Variants in ECE1 observed in about 807,000 individuals in gnomAD.
ECE1 encodes the protein endothelin converting enzyme 1, also known as endothelin-converting enzyme 1.
ECE1 carries 35 observed loss-of-function variants against 98.6 expected under a neutral mutation model. The ratio of observed to expected loss-of-function variants is 0.35; its 90% confidence interval spans 0.27 to 0.47. The LOEUF (loss-of-function observed/expected upper bound fraction) is 0.47, where lower values mean the gene tolerates loss of function less well. ECE1 is among the 20% of genes least tolerant of loss of function. ECE1 has a pLI of 1.00. For missense variants in ECE1, 814 were observed against 1,025.3 expected, an observed-to-expected ratio of 0.79 and a Z score of 2.81; for synonymous variants, 394 against 407.1, an observed-to-expected ratio of 0.97 and a Z score of 0.39.
chr1:21,227,100 C>T, intron 16 of ECE1, 59 bp downstream of exon 16: 1 of 1,570,140 alleles, frequency 6.4e-7, no homozygotes, highest in Admixed American at 1.7e-5. Flanking sequence ...TCAAGCAATC[C>T]TCCTCTTAAA....
At chr1:21,318,409 T>C (rs1638878986) in intron 1 of ECE1, among the ~76,000 whole-genome samples, 1 of 151,976 alleles carries the variant, frequency 6.6e-6, no homozygotes. Context: ...TCCCTGCCCT[T>C]TCCTGACCCT....
At chr1:21,261,501 C>A (rs556780309) in intron 4 of ECE1, among the ~76,000 whole-genome samples, 1 of 152,280 alleles carries the variant, frequency 6.6e-6, no homozygotes, top group Non-Finnish European at 1.5e-5. Context: ...TACTCAACCT[C>A]AAGGCCTCTA....
intron 1 of ECE1, among the ~76,000 whole-genome samples, chr1:21,304,618 C>T (rs548738933): frequency 6.6e-5 from 10 of 152,132 alleles, no homozygotes; most frequent in Non-Finnish European, 1.5e-4. Context: ...AGCCATATGG[C>T]GACAGACATC....
upstream of ECE1, among the ~76,000 whole-genome samples, chr1:21,291,886 CT>C (rs1488265681): frequency 5.3e-5 from 8 of 151,724 alleles, no homozygotes; most frequent in African/African-American, 1.9e-4. Context: ...AATCCCAGCA[CT>C]TTGGGAGGCT....
In ECE1 at chr1:21,272,762, A is replaced by G. The variant is rs780320930; in HGVS notation, c.430T>C (p.Ser144Pro). ...IKANPVPDGH[S>P]RWGTFSNLWE... ...AGGTTGCTGAAGGTCCCCCAGCGTG[A>G]GTGGCCATCAGGGACTGGGTTGGCC... Residue 144 changes from serine (S) to proline (P), a missense_variant, in exon 4 of 19, where the codon TCA (serine) becomes CCA (proline). By Grantham distance (74) the Ser-to-Pro change is moderately conservative. Coordinates refer to ENST00000374893, the MANE Select transcript of ECE1 (RefSeq NM_001397.3). The G allele has an allele frequency of 6.2e-7, 1 of 1,614,264 alleles. No homozygotes were observed. Among genetic ancestry groups the G allele is most frequent in the Non-Finnish European group, 8.5e-7 (1 of 1,180,048 alleles).
intron 4 of ECE1, chr1:21,267,072 G>C (rs959302848): frequency 6.6e-6 from 1 of 152,176 alleles, no homozygotes; most frequent in African/African-American, 2.4e-5. Context: ...TCTTATAAAA[G>C]GGCTTGAGGG....
At chr1:21,267,577 G>C (rs1268418325) in intron 4 of ECE1, among the ~76,000 whole-genome samples, 1 of 152,174 alleles carries the variant, frequency 6.6e-6, no homozygotes, top group Non-Finnish European at 1.5e-5. Flanking sequence ...TGGGAATTGA[G>C]GGAGCTACAA....
In ECE1 at chr1:21,290,331, C is replaced by T; in HGVS notation, c.51+33G>A. On this transcript the variant is annotated intron_variant, in intron 1 of 18. Transcript: ENST00000374893. The surrounding 1 kb of genome is among the most constrained non-coding windows in gnomAD (Gnocchi z 7.3). Reference sequence around the variant, plus strand: ...CGCGGGGAGGGGTCCCGCCCGCCTCCCGCCCCCGCCCTCCAGGCCGCGCCC... The same window carrying T: ...CGCGGGGAGGGGTCCCGCCCGCCTCTCGCCCCCGCCCTCCAGGCCGCGCCC... 1 of 1,223,594 alleles carries T rather than the reference C, an allele frequency of 8.2e-7. No homozygotes were observed. Among genetic ancestry groups the T allele is most frequent in the Non-Finnish European group, 1.0e-6 (1 of 985,820 alleles). The allele number at this position is 1,223,594 out of a possible 1,614,324, so 75.8% of individuals were successfully genotyped here.
intron 3 of ECE1, among the ~76,000 whole-genome samples, chr1:21,275,767 T>C (rs995759253): frequency 1.3e-5 from 2 of 152,222 alleles, no homozygotes; most frequent in Non-Finnish European, 2.9e-5. Flanking sequence ...AAGTGCTTCA[T>C]GCATTTTGAT....
At chr1:21,236,227 G>A (rs1450666994) in intron 12 of ECE1, among the ~76,000 whole-genome samples, 4 of 152,218 alleles carry the variant, frequency 2.6e-5, no homozygotes, top group East Asian at 1.9e-4. Flanking sequence ...CCTTTTCCCC[G>A]TACACTCAGC....
At chr1:21,310,546 G>A (rs1484507439) in intron 1 of ECE1, among the ~76,000 whole-genome samples, 1 of 152,172 alleles carries the variant, frequency 6.6e-6, no homozygotes, top group Non-Finnish European at 1.5e-5. Context: ...CCAAAGGAAG[G>A]AGGTTGCTGT....
intron 1 of ECE1, among the ~76,000 whole-genome samples, chr1:21,301,827 G>GACAA (rs1638491216): frequency 2.9e-5 from 1 of 33,944 alleles, no homozygotes; most frequent in Non-Finnish European, 5.8e-5. Context: ...CCCTGTCTCA[G>GACAA]AAAAAAAAAA....
rs373718266 is a variant in ECE1 at position 21,258,912 on chromosome 1, G to T, written c.616-73C>A. 6.3e-6 allele frequency: 10 copies of T among 1,585,854 alleles called. No individual in the cohort carries two copies. In the East Asian group the frequency reaches 9.1e-5, roughly 14 times the overall value. On this transcript the variant is annotated intron_variant, in intron 5 of 18. Coordinates refer to ENST00000374893, the MANE Select transcript of ECE1 (RefSeq NM_001397.3). This position sits in a 1 kb window ranked among gnomAD's most constrained non-coding sequence, Gnocchi z 4.2. ...CCCAGATGTGAATTCTGGTTCTGCC[G>T]CTGACTTGCTCTGTGACCCTGGAGC...
intron 1 of ECE1, among the ~76,000 whole-genome samples, chr1:21,302,187 C>G (rs1638500107): frequency 6.6e-6 from 1 of 152,242 alleles, no homozygotes; most frequent in African/African-American, 2.4e-5. Context: ...GCTTAACAGG[C>G]TAAGTTCCCC....
intron 1 of ECE1, among the ~76,000 whole-genome samples, chr1:21,306,431 G>A (rs1334740757): frequency 1.3e-5 from 2 of 151,858 alleles, no homozygotes. Context: ...CCGCCTCCTG[G>A]GTTCAAGCGA....
intron 1 of ECE1, among the ~76,000 whole-genome samples, chr1:21,344,417 C>G (rs2103423854): frequency 1.3e-5 from 2 of 152,342 alleles, no homozygotes; most frequent in South Asian, 4.1e-4. Flanking sequence ...CAGAACAGAA[C>G]TAGGAGAGGG....
At chr1:21,324,204 C>T (rs1010613800) in intron 1 of ECE1, among the ~76,000 whole-genome samples, 2 of 152,108 alleles carry the variant, frequency 1.3e-5, no homozygotes, top group African/African-American at 4.8e-5. Flanking sequence ...CAGCCTCGAC[C>T]ATAGCTCATG....
intron 12 of ECE1, among the ~76,000 whole-genome samples, chr1:21,236,364 G>A (rs971221435): frequency 6.6e-6 from 1 of 152,364 alleles, no homozygotes; most frequent in East Asian, 1.9e-4. Flanking sequence ...GACAGAACTG[G>A]CCTCACCGGG....
chr1:21,270,263 TG>T (rs931317653), intron 4 of ECE1, among the ~76,000 whole-genome samples: 33 of 152,348 alleles, frequency 2.2e-4, no homozygotes, highest in African/African-American at 7.7e-4. Flanking sequence ...TTCCGAAGTC[TG>T]GGGTTGTGAG....
Sources: allele counts gnomAD v4.1 joint callset (sites outside exome capture counted in the v4.1 genomes callset), GRCh38; gene constraint gnomAD v4.1.1; non-coding constraint Gnocchi (gnomAD v3.1); transcripts MANE v1.5; gene names NCBI Gene and HGNC (gene_info 2026-07-23, HGNC 2026-07-21).